Variants in KCNIP4 observed in about 807,000 individuals in gnomAD.
KCNIP4 encodes the protein potassium voltage-gated channel interacting protein 4, also known as Kv channel-interacting protein 4.
Under a neutral mutation model 34.0 loss-of-function variants are expected in KCNIP4, and 12 were observed. That is an observed-to-expected ratio of 0.35 (90% CI 0.23 to 0.57). The LOEUF (loss-of-function observed/expected upper bound fraction) is 0.57. Among genes scored for constraint, KCNIP4 ranks in the 20% least tolerant of loss-of-function variants. The pLI, the probability that KCNIP4 is intolerant of heterozygous loss-of-function variation, is 0.83. For missense variants in KCNIP4, 238 were observed against 311.7 expected (o/e 0.76, Z 1.78); for synonymous variants, 124 against 102.2 (o/e 1.21, Z -1.29).
chr4:20,769,864 G>C (rs6824163), intron 3 of KCNIP4, among the ~76,000 whole-genome samples: 171 of 152,266 alleles, frequency 1.1e-3, no homozygotes, highest in African/African-American at 3.8e-3. Flanking sequence ...GCAAAGCAAA[G>C]GCCTGTTGAG....
chr4:21,186,541 C>A (rs540745345), intron 1 of KCNIP4, among the ~76,000 whole-genome samples: 1 of 152,318 alleles, frequency 6.6e-6, no homozygotes, highest in East Asian at 1.9e-4. Flanking sequence ...ATCTTACATA[C>A]AATTCAATAA....
intron 1 of KCNIP4, among the ~76,000 whole-genome samples, chr4:21,655,386 C>A (rs1247078083): frequency 1.3e-5 from 2 of 151,794 alleles, no homozygotes; most frequent in African/African-American, 4.8e-5. Flanking sequence ...CCAGAAACTG[C>A]CAACACATTT....
chr4:21,757,231 GAAAGAAAGAAAGAAAGA>G (rs1245257985), intron 1 of KCNIP4, among the ~76,000 whole-genome samples: 2,257 of 27,448 alleles, frequency 0.082, 156 homozygotes, highest in Middle Eastern at 0.22. Flanking sequence ...AAGAAAGAAA[GAAAGAAAGAAAGAAAGA>G]AAAGAAAAGA....
At chr4:20,960,008 C>T (rs1047209452) in intron 1 of KCNIP4, among the ~76,000 whole-genome samples, 5 of 152,112 alleles carry the variant, frequency 3.3e-5, no homozygotes, top group African/African-American at 4.8e-5. Context: ...CATTGTCTGG[C>T]TTAATATCAG....
intron 1 of KCNIP4, among the ~76,000 whole-genome samples, chr4:20,950,711 C>G (rs1732694775): frequency 6.6e-6 from 1 of 152,054 alleles, no homozygotes; most frequent in African/African-American, 2.4e-5. Context: ...ATTATAGCCT[C>G]TGAATCAGAT....
At chr4:21,322,045 G>T (rs1714531541) in intron 1 of KCNIP4, among the ~76,000 whole-genome samples, 1 of 143,998 alleles carries the variant, frequency 6.9e-6, no homozygotes, top group Non-Finnish European at 1.5e-5. Flanking sequence ...GGGGAGGAAG[G>T]AAGGAAGAAA....
At chr4:21,600,160 C>A (rs1742992263) in intron 1 of KCNIP4, among the ~76,000 whole-genome samples, 1 of 152,036 alleles carries the variant, frequency 6.6e-6, no homozygotes, top group Non-Finnish European at 1.5e-5. Flanking sequence ...TAAGGTATGG[C>A]TTCCTCCCTA....
At chr4:21,115,381 A>T (rs1271708854) in intron 1 of KCNIP4, among the ~76,000 whole-genome samples, 1 of 152,212 alleles carries the variant, frequency 6.6e-6, no homozygotes, top group East Asian at 1.9e-4. Context: ...TTACCTCAAA[A>T]CACACTATGA....
intron 1 of KCNIP4, among the ~76,000 whole-genome samples, chr4:21,309,252 C>T (rs1324586151): frequency 1.3e-5 from 2 of 152,148 alleles, no homozygotes; most frequent in Admixed American, 6.5e-5. Flanking sequence ...ACGCTTTCAC[C>T]ACAGAGTCCC....
At chr4:21,216,580 T>C (rs544043607) in intron 1 of KCNIP4, among the ~76,000 whole-genome samples, 4 of 152,152 alleles carry the variant, frequency 2.6e-5, no homozygotes, top group Non-Finnish European at 4.4e-5. Context: ...GATTAGAAAA[T>C]TGATAATCAG....
chr4:21,377,558 G>T (rs1262495738), intron 1 of KCNIP4, among the ~76,000 whole-genome samples: 1 of 152,124 alleles, frequency 6.6e-6, no homozygotes, highest in South Asian at 2.1e-4. Context: ...TTTGTATAGG[G>T]GATCTGCTGT....
rs142709797 is a variant in KCNIP4 at position 21,062,887 on chromosome 4, C to A, written c.62-180178G>T. Among the ~76,000 whole-genome samples the A allele has an allele frequency of 4.0e-3, 613 of 152,270 alleles. 2 individuals are homozygous for A. The highest frequency in any genetic ancestry group is 0.014 in the African/African-American group (576 of 41,562). On this transcript the variant is annotated intron_variant, in intron 1 of 8. Transcript: ENST00000382152. Reference sequence around the variant, plus strand: ...ACATTAGGATCATTAGGAGGATGATCTGTTTTGCTCAGCCTACTGAATCAA... The same window carrying A: ...ACATTAGGATCATTAGGAGGATGATATGTTTTGCTCAGCCTACTGAATCAA...
chr4:20,803,315 A>G (rs1714596873), intron 3 of KCNIP4, among the ~76,000 whole-genome samples: 1 of 151,518 alleles, frequency 6.6e-6, no homozygotes, highest in African/African-American at 2.4e-5. Flanking sequence ...ATCAGAAGTG[A>G]AATAAATAAA....
chr4:21,027,925 C>T (rs1740690806), intron 1 of KCNIP4, among the ~76,000 whole-genome samples: 1 of 152,068 alleles, frequency 6.6e-6, no homozygotes, highest in South Asian at 2.1e-4. Context: ...CTCTAAAATT[C>T]CAGACAAATA....
At chr4:20,946,100 A>T (rs930852653) in intron 1 of KCNIP4, among the ~76,000 whole-genome samples, 2 of 152,120 alleles carry the variant, frequency 1.3e-5, no homozygotes, top group Admixed American at 6.6e-5. Context: ...CATGAACAAG[A>T]CCAGCAAGGG....
chr4:21,901,678 C>G (rs144447749), intron 1 of KCNIP4, among the ~76,000 whole-genome samples: 2 of 152,220 alleles, frequency 1.3e-5, no homozygotes, highest in African/African-American at 4.8e-5. Flanking sequence ...GCATTAATTA[C>G]TACAAGTTAA....
At chr4:21,069,501 G>T (rs895248852) in intron 1 of KCNIP4, among the ~76,000 whole-genome samples, 1 of 152,188 alleles carries the variant, frequency 6.6e-6, no homozygotes, top group Non-Finnish European at 1.5e-5. Flanking sequence ...CATGGGGCCA[G>T]TGTGTTGTCT....
At chr4:20,979,461 A>G (rs570245389) in intron 1 of KCNIP4, among the ~76,000 whole-genome samples, 1 of 145,368 alleles carries the variant, frequency 6.9e-6, no homozygotes, top group Admixed American at 7.0e-5. Context: ...TGCAGTGGCG[A>G]GATCTCGGCT....
Position 21,704,734 on chromosome 4 carries a change from A to G in KCNIP4, c.61+243837T>C, listed in dbSNP as rs537368267. ...CAAGACCAAATGTTGGCAAGGACAC[A>G]GAAAAACTGGATCACTCATACATGG... On this transcript the variant is annotated intron_variant, in intron 1 of 8. Coordinates refer to ENST00000382152, the MANE Select transcript of KCNIP4 (RefSeq NM_025221.6). 8.5e-5 allele frequency among the ~76,000 whole-genome samples: 13 copies of G among 152,306 alleles called. No individual in the cohort carries two copies. The East Asian group carries it at 2.5e-3, about 29-fold the overall frequency.
Sources: gnomAD v4.1 joint callset for allele counts (sites outside exome capture counted in the v4.1 genomes callset) on GRCh38, gnomAD v4.1.1 for gene constraint, MANE v1.5 for transcripts, NCBI Gene and HGNC (gene_info 2026-07-23, HGNC 2026-07-21) for gene names.